TMC1: variants seen among roughly 807,000 people sequenced by gnomAD.
TMC1 encodes transmembrane channel like 1, also known as transmembrane channel-like protein 1.
TMC1 carries 84 observed loss-of-function variants against 105.8 expected under a neutral mutation model. That is an observed-to-expected ratio of 0.79 (90% confidence interval 0.67 to 0.95). The LOEUF (loss-of-function observed/expected upper bound fraction) is 0.95. Ranked by LOEUF, TMC1 falls within the 40% of genes least tolerant of loss-of-function variation. The pLI, the probability that TMC1 is intolerant of heterozygous loss-of-function variation, is 0.00. For synonymous variants in TMC1, 315 were observed against 311.5 expected, an observed-to-expected ratio of 1.01 and a Z score of -0.12; for missense variants, 817 against 914.1, an observed-to-expected ratio of 0.89 and a Z score of 1.37.
chr9:72,686,917 T>C (rs993326702), intron 5 of TMC1, among the ~76,000 whole-genome samples: 1 of 152,172 alleles, frequency 6.6e-6, no homozygotes, highest in African/African-American at 2.4e-5. Context: ...TTAATGGTTA[T>C]TTATAAACTA....
intron 18 of TMC1, among the ~76,000 whole-genome samples, chr9:72,806,288 T>A (rs1200724328): frequency 4.8e-5 from 6 of 125,854 alleles, no homozygotes; most frequent in Admixed American, 7.6e-5. Flanking sequence ...CACTTCCCAG[T>A]AGGGGCAGCC....
intron 8 of TMC1, among the ~76,000 whole-genome samples, chr9:72,710,786 CT>C (rs931661259): frequency 4.0e-5 from 6 of 151,404 alleles, no homozygotes; most frequent in Non-Finnish European, 7.4e-5. Context: ...TTGGTGAATA[CT>C]TTTTTTTTAA....
intron 13 of TMC1, among the ~76,000 whole-genome samples, chr9:72,780,968 C>G (rs1346135206): frequency 1.3e-5 from 2 of 152,086 alleles, no homozygotes; most frequent in African/African-American, 2.4e-5. Flanking sequence ...CCAAATGGAC[C>G]TAACAGACAT....
At chr9:72,726,597 GCAAA>G (rs2117967144) in intron 8 of TMC1, among the ~76,000 whole-genome samples, 1 of 152,222 alleles carries the variant, frequency 6.6e-6, no homozygotes, top group East Asian at 1.9e-4. Flanking sequence ...TTGTCATGTG[GCAAA>G]CAATCAAATT....
At chr9:72,632,322 C>A (rs544609263) in intron 4 of TMC1, among the ~76,000 whole-genome samples, 1 of 152,244 alleles carries the variant, frequency 6.6e-6, no homozygotes, top group East Asian at 1.9e-4. Context: ...CCCCATGACC[C>A]AAACACCTCC....
intron 1 of TMC1, among the ~76,000 whole-genome samples, chr9:72,570,345 A>G (rs1824255326): frequency 1.3e-5 from 2 of 151,808 alleles, no homozygotes; most frequent in South Asian, 2.1e-4. Context: ...GGTTGTTCTG[A>G]TATTACCAAG....
At chr9:72,565,090 T>A (rs894466482) in intron 1 of TMC1, among the ~76,000 whole-genome samples, 1 of 152,232 alleles carries the variant, frequency 6.6e-6, no homozygotes, top group Admixed American at 6.5e-5. Flanking sequence ...TTACTCAGTA[T>A]TGGGCAGTTA....
At chr9:72,812,110 T>G (rs1431279316) in intron 18 of TMC1, among the ~76,000 whole-genome samples, 3 of 152,216 alleles carry the variant, frequency 2.0e-5, no homozygotes, top group Non-Finnish European at 4.4e-5. Context: ...AATGCTTGAC[T>G]CTAGAAATTT....
intron 4 of TMC1, among the ~76,000 whole-genome samples, chr9:72,644,401 T>C (rs2132146507): frequency 6.6e-6 from 1 of 152,284 alleles, no homozygotes; most frequent in Non-Finnish European, 1.5e-5. Context: ...GTTTTACATT[T>C]GGGTCTATGG....
chr9:72,597,416 G>C (rs970536105), intron 2 of TMC1, among the ~76,000 whole-genome samples: 6 of 152,192 alleles, frequency 3.9e-5, no homozygotes, highest in Non-Finnish European at 1.5e-5. Context: ...GGAAAAGGAA[G>C]GGCCCCCTTC....
intron 8 of TMC1, among the ~76,000 whole-genome samples, chr9:72,715,808 A>G (rs931383046): frequency 6.6e-6 from 1 of 152,100 alleles, no homozygotes; most frequent in African/African-American, 2.4e-5. Flanking sequence ...GCTTGCTGGC[A>G]AGGAGTTGTG....
At chr9:72,688,553 A>G (rs1235331344) in intron 5 of TMC1, among the ~76,000 whole-genome samples, 156 bp from the exon 6 acceptor site, 1 of 152,184 alleles carries the variant, frequency 6.6e-6, no homozygotes, top group African/African-American at 2.4e-5. Context: ...CTGTAGCTGT[A>G]TATCTTTAAT....
intron 12 of TMC1, among the ~76,000 whole-genome samples, chr9:72,759,311 C>T (rs924855615): frequency 6.6e-6 from 1 of 152,154 alleles, no homozygotes; most frequent in East Asian, 1.9e-4. Flanking sequence ...GTCTAAGTGC[C>T]TCCTATAGGA....
intron 8 of TMC1, 116 bp downstream of exon 8, chr9:72,700,759 CATACACACACACACACACACAT>C (rs1826632258): frequency 3.1e-5 from 5 of 161,590 alleles, no homozygotes; most frequent in African/African-American, 2.1e-4. Flanking sequence ...CACACACACA[CATACACACACACACACACACAT>C]ACACTGTATA....
chr9:72,648,609 C>T lies in TMC1; in HGVS notation c.-40C>T. ...CTTCATCCTGCAGTCCCTCTCCAAA[C>T]TAGCCAGCCACTGAGACCTTCTGAC... On this transcript the variant is annotated 5_prime_UTR_variant, in exon 5 of 24. Transcript: ENST00000297784. 6.2e-7 allele frequency: 1 copy of T among 1,606,146 alleles called. No homozygotes were observed. The highest frequency in any genetic ancestry group is 8.5e-7 in the Non-Finnish European group (1 of 1,172,756).
At chr9:72,730,417 C>T (rs567747655) in intron 8 of TMC1, among the ~76,000 whole-genome samples, 8 of 152,196 alleles carry the variant, frequency 5.3e-5, no homozygotes, top group Admixed American at 4.6e-4. Context: ...TCAAGGTGCT[C>T]GGCATGCCAA....
intron 18 of TMC1, among the ~76,000 whole-genome samples, chr9:72,809,847 C>T (rs1339313624): frequency 6.6e-6 from 1 of 152,206 alleles, no homozygotes; most frequent in South Asian, 2.1e-4. Flanking sequence ...ATTCATTCTC[C>T]AGTTCCTCAT....
At chr9:72,687,160 T>A (rs910590341) in intron 5 of TMC1, among the ~76,000 whole-genome samples, 7 of 152,242 alleles carry the variant, frequency 4.6e-5, no homozygotes, top group African/African-American at 1.7e-4. Flanking sequence ...GAAATAATCA[T>A]CACAAATCAT....
chr9:72,555,709 C>T (rs532635580), intron 1 of TMC1, among the ~76,000 whole-genome samples: 2 of 151,930 alleles, frequency 1.3e-5, no homozygotes, highest in African/African-American at 4.8e-5. Context: ...CAACCTCTGC[C>T]TCCCAGATTC....
Sources: gnomAD v4.1 joint callset for allele counts (sites outside exome capture counted in the v4.1 genomes callset) on GRCh38, gnomAD v4.1.1 for gene constraint, MANE v1.5 for transcripts, NCBI Gene and HGNC (gene_info 2026-07-23, HGNC 2026-07-21) for gene names.